Variants in LRRN1 observed in about 807,000 individuals in gnomAD.
LRRN1 encodes the protein leucine rich repeat neuronal 1.
Under a neutral mutation model 45.8 loss-of-function variants are expected in LRRN1, and 14 were observed. That is an observed-to-expected ratio of 0.31 (90% confidence interval 0.20 to 0.48). LRRN1 has a LOEUF of 0.48. Among genes scored for constraint, LRRN1 ranks in the 20% least tolerant of loss-of-function variants. The probability of loss-of-function intolerance (pLI) is 0.99; values close to 1 mark genes in which losing one functional copy is unlikely to be tolerated. For synonymous variants in LRRN1, 359 were observed against 330.1 expected (o/e 1.09, Z -0.95); for missense variants, 789 against 874.2 (o/e 0.90, Z 1.23).
intron 1 of LRRN1, chr3:3,801,193 C>T (rs2256225): frequency 0.53 from 80,838 of 152,182 alleles, 23,380 homozygotes; most frequent in Non-Finnish European, 0.66. Context: ...ACAAATGGTT[C>T]TGAAGCACTT....
At chr3:3,824,859 A>G (rs79879207) in intron 1 of LRRN1, among the ~76,000 whole-genome samples, 3,298 of 152,236 alleles carry the variant, frequency 0.022, 117 homozygotes, top group African/African-American at 0.075. Context: ...GCCTCCAAAT[A>G]TGTGACCTCA....
intron 1 of LRRN1, among the ~76,000 whole-genome samples, chr3:3,834,525 G>GATAGATATATATATATATAT: frequency 3.7e-5 from 1 of 27,328 alleles, no homozygotes; most frequent in African/African-American, 8.6e-5. Flanking sequence ...GACAGAACAG[G>GATAGATATATATATATATAT]ATATATATAT....
At chr3:3,818,572 A>G (rs1693034411) in intron 1 of LRRN1, among the ~76,000 whole-genome samples, 1 of 152,204 alleles carries the variant, frequency 6.6e-6, no homozygotes, top group Admixed American at 6.5e-5. Context: ...CCGTCGTCCT[A>G]CTTTCTTTGC....
chr3:3,813,939 A>G lies in LRRN1; in HGVS notation c.-279+14020A>G, dbSNP rs140921632. Among the ~76,000 whole-genome samples the G allele has an allele frequency of 6.8e-3, 1,035 of 152,070 alleles. 10 individuals carry two copies. Among genetic ancestry groups the G allele is most frequent in the Middle Eastern group, 0.014 (4 of 294 alleles). ...TGAGCTCCTGCCATTGCTGGCCCTT[A>G]TCTTGTTTTGAGAACTGCTATCATC... is the stretch of plus-strand genomic sequence containing the variant. On this transcript the variant is annotated intron_variant, in intron 1 of 1. Transcript: ENST00000319331.
chr3:3,836,157 G>A (rs1289577185), intron 1 of LRRN1, among the ~76,000 whole-genome samples: 2 of 151,980 alleles, frequency 1.3e-5, no homozygotes, highest in African/African-American at 2.4e-5. Context: ...ATTTGTATAT[G>A]TTATAAAAGT....
At chr3:3,805,768 G>A (rs1408383968) in intron 1 of LRRN1, among the ~76,000 whole-genome samples, 1 of 152,090 alleles carries the variant, frequency 6.6e-6, no homozygotes, top group East Asian at 1.9e-4. Flanking sequence ...GCCCGCTTGA[G>A]GGGAAAAATT....
chr3:3,839,309 G>A (rs568073172), intron 1 of LRRN1, among the ~76,000 whole-genome samples: 3 of 152,226 alleles, frequency 2.0e-5, no homozygotes, highest in African/African-American at 4.8e-5. Context: ...TAAAGAGCAT[G>A]TATAGAAGGC....
chr3:3,849,434 T>C lies in LRRN1; in HGVS notation c.*2642T>C, dbSNP rs1439936475. Among the ~76,000 whole-genome samples, 2 of 152,210 alleles carry C rather than the reference T, an allele frequency of 1.3e-5. No homozygotes were observed. The highest frequency in any genetic ancestry group is 4.8e-5 in the African/African-American group (2 of 41,450). ...ATAGAAAACAAAATGATAGAGTACT[T>C]TTTTCCTTGGCCAAGTATTTTCTCA... On this transcript the variant is annotated 3_prime_UTR_variant, in exon 2 of 2. Transcript: ENST00000319331.
At chr3:3,842,718 C>T (rs1693675379) in intron 1 of LRRN1, among the ~76,000 whole-genome samples, 1 of 152,150 alleles carries the variant, frequency 6.6e-6, no homozygotes, top group Non-Finnish European at 1.5e-5. Context: ...TCCTTCAGTG[C>T]TCAAGACTCA....
chr3:3,828,275 G>C (rs1244022912), intron 1 of LRRN1, among the ~76,000 whole-genome samples: 2 of 152,130 alleles, frequency 1.3e-5, no homozygotes, highest in South Asian at 2.1e-4. Context: ...ACCAGTCTGA[G>C]TCCCAAGACT....
intron 1 of LRRN1, among the ~76,000 whole-genome samples, chr3:3,823,905 C>A (rs888631959): frequency 1.3e-5 from 2 of 152,094 alleles, no homozygotes; most frequent in African/African-American, 4.8e-5. Flanking sequence ...ATACTCAATA[C>A]CTGGAGCTGG....
At chr3:3,824,949 C>A (rs531433831) in intron 1 of LRRN1, among the ~76,000 whole-genome samples, 53 of 152,188 alleles carry the variant, frequency 3.5e-4, no homozygotes, top group Non-Finnish European at 5.4e-4. Context: ...CTACCTTTCA[C>A]AGTTTGCGCA....
rs958845789 is a variant in LRRN1, at chr3:3,848,362, A to AG, written c.*1573dup. ...AGAAGGCCAGTTCCACAAAGGGCAG[A>AG]GGGAGGGATGGGATTTAATAGGTAA... On this transcript the variant is annotated 3_prime_UTR_variant, in exon 2 of 2. Coordinates refer to ENST00000319331, the MANE Select transcript of LRRN1 (RefSeq NM_020873.7). Among the ~76,000 whole-genome samples, 4 of 152,152 alleles carry AG rather than the reference A, an allele frequency of 2.6e-5. No homozygotes were observed. Among genetic ancestry groups the AG allele is most frequent in the Non-Finnish European group, 2.9e-5 (2 of 68,018 alleles).
At chr3:3,802,614 A>C (rs1333899812) in intron 1 of LRRN1, among the ~76,000 whole-genome samples, 1 of 152,192 alleles carries the variant, frequency 6.6e-6, no homozygotes, top group Admixed American at 6.5e-5. Context: ...ATATTTTCAC[A>C]GGATGGGGAA....
At chr3:3,825,057 GAC>G (rs925501355) in intron 1 of LRRN1, among the ~76,000 whole-genome samples, 2 of 152,196 alleles carry the variant, frequency 1.3e-5, no homozygotes, top group African/African-American at 4.8e-5. Flanking sequence ...CTCTTTCATA[GAC>G]ACCCTTCCCG....
At chr3:3,823,678 G>A (rs543489758) in intron 1 of LRRN1, among the ~76,000 whole-genome samples, 1 of 152,136 alleles carries the variant, frequency 6.6e-6, no homozygotes, top group African/African-American at 2.4e-5. Flanking sequence ...GGAAACCAGG[G>A]CTTAGAGAGG....
Position 3,846,880 on chromosome 3 carries a change from A to G in LRRN1, c.*88A>G. 1 of 1,167,160 alleles carries G rather than the reference A, an allele frequency of 8.6e-7. No individual in the cohort carries two copies. Among genetic ancestry groups the G allele is most frequent in the Non-Finnish European group, 1.2e-6 (1 of 837,202 alleles). The allele number at this position is 1,167,160 out of a possible 1,614,324, so 72.3% of individuals were successfully genotyped here. A position where few individuals can be genotyped will look rare whatever the true frequency, so the allele number is the denominator to read the frequency against. On this transcript the variant is annotated 3_prime_UTR_variant, in exon 2 of 2. Transcript: ENST00000319331. This position sits in a 1 kb window ranked among gnomAD's most constrained non-coding sequence, Gnocchi z 5.7. ...AAGTGAACAAGTTGAAGACTTTTGT[A>G]TTTTTGACTTTGCTAGTTTGTGGCA...
At chr3:3,802,440 C>T (rs576639650) in intron 1 of LRRN1, among the ~76,000 whole-genome samples, 1 of 152,060 alleles carries the variant, frequency 6.6e-6, no homozygotes, top group Non-Finnish European at 1.5e-5. Flanking sequence ...CTGAAAGGGA[C>T]ATTAAAATAC....
In LRRN1 at chr3:3,805,501, C is replaced by T. The variant is rs78444192; in HGVS notation, c.-279+5582C>T. Among the ~76,000 whole-genome samples, 135 of 152,270 alleles carry T rather than the reference C, an allele frequency of 8.9e-4. 1 individual carries two copies. Among genetic ancestry groups the T allele is most frequent in the Non-Finnish European group, 1.3e-3 (90 of 68,018 alleles). ...CCTTCTGGATGTCCTGCAACCATCCCGGTGCTTCATGGCTCTATCAGAGTT... is the reference window on the plus strand; with the variant it reads ...CCTTCTGGATGTCCTGCAACCATCCTGGTGCTTCATGGCTCTATCAGAGTT... On this transcript the variant is annotated intron_variant, in intron 1 of 1. Transcript: ENST00000319331.
Sources: allele counts gnomAD v4.1 joint callset (sites outside exome capture counted in the v4.1 genomes callset), GRCh38; gene constraint gnomAD v4.1.1; non-coding constraint Gnocchi (gnomAD v3.1); transcripts MANE v1.5; gene names NCBI Gene and HGNC (gene_info 2026-07-23, HGNC 2026-07-21).